SRGAP3: variants seen among roughly 807,000 people sequenced by gnomAD.
The protein encoded by SRGAP3 is SLIT-ROBO Rho GTPase activating protein 3.
Under a neutral mutation model 121.1 loss-of-function variants are expected in SRGAP3, and 39 were observed. The observed-to-expected ratio is 0.32, with a 90% CI of 0.25 to 0.42. The LOEUF is 0.42. Among genes scored for constraint, SRGAP3 ranks in the 10% least tolerant of loss-of-function variants. The probability of loss-of-function intolerance (pLI) is 1.00; values close to 1 mark genes in which losing one functional copy is unlikely to be tolerated. For synonymous variants in SRGAP3, 601 were observed against 570.0 expected (o/e 1.05, Z -0.77); for missense variants, 1,213 against 1,470.6 (o/e 0.82, Z 2.86).
At chr3:9,361,662 C>T (rs2030847476) in intron 1 of SRGAP3, among the ~76,000 whole-genome samples, 2 of 152,098 alleles carry the variant, frequency 1.3e-5, no homozygotes, top group African/African-American at 2.4e-5. Flanking sequence ...CCTCTATAAT[C>T]GCCATTAGAT....
rs200842695 is a variant in SRGAP3 at position 9,079,759 on chromosome 3, G to GGT, written c.486+265_486+266insAC. ...GACTTTGTGCCCTCTGTTCTTGCAG[G>GGT]TAACACGCCCCACAGCGGCAGGTCG... On this transcript the variant is annotated intron_variant, in intron 4 of 21. Coordinates refer to ENST00000383836, the MANE Select transcript of SRGAP3 (RefSeq NM_014850.4). Among the ~76,000 whole-genome samples the GGT allele has an allele frequency of 6.5e-3, 992 of 152,300 alleles. 6 individuals are homozygous for GGT. The highest frequency in any genetic ancestry group is 0.014 in the Middle Eastern group (4 of 294).
At chr3:9,174,708 C>G (rs1333092315) in intron 1 of SRGAP3, among the ~76,000 whole-genome samples, 1 of 152,234 alleles carries the variant, frequency 6.6e-6, no homozygotes, top group Non-Finnish European at 1.5e-5. Context: ...AAGTCGCACC[C>G]AGACGGGAGT....
In SRGAP3 at chr3:9,134,119, C is replaced by T. The variant is rs565389255; in HGVS notation, c.68-9202G>A. On this transcript the variant is annotated intron_variant, in intron 1 of 21. Coordinates refer to ENST00000383836, the MANE Select transcript of SRGAP3 (RefSeq NM_014850.4). ...TGCCCTTGGAGGCCTCTGCCCCTTG[C>T]CTGCACCCTTGGAGGCCTCTGCCCC... 1.4e-4 allele frequency among the ~76,000 whole-genome samples: 21 copies of T among 152,258 alleles called. No homozygotes were observed. The South Asian group carries it at 4.4e-3, about 32-fold the overall frequency.
chr3:9,064,913 C>T (rs1043685327), intron 4 of SRGAP3, among the ~76,000 whole-genome samples: 22 of 151,532 alleles, frequency 1.5e-4, no homozygotes, highest in African/African-American at 4.9e-4. Flanking sequence ...AAAGGGTAAC[C>T]GTAGCTCCAA....
intron 1 of SRGAP3, among the ~76,000 whole-genome samples, chr3:9,242,130 C>T (rs1196398602): frequency 6.7e-6 from 1 of 150,218 alleles, no homozygotes; most frequent in Non-Finnish European, 1.5e-5. Flanking sequence ...AGATTTCTCT[C>T]TCTCCATAAG....
chr3:9,114,897 A>T (rs1343457112), intron 2 of SRGAP3, among the ~76,000 whole-genome samples: 1 of 152,196 alleles, frequency 6.6e-6, no homozygotes, highest in African/African-American at 2.4e-5. Context: ...GCTCTACTGG[A>T]TGTCTGATAG....
chr3:9,222,928 A>G (rs887141297), intron 1 of SRGAP3, among the ~76,000 whole-genome samples: 1 of 152,234 alleles, frequency 6.6e-6, no homozygotes, highest in African/African-American at 2.4e-5. Flanking sequence ...CTGTGATAGC[A>G]CTTAACAGTC....
chr3:8,997,558 G>A (rs115624456), intron 18 of SRGAP3, among the ~76,000 whole-genome samples: 1 of 152,082 alleles, frequency 6.6e-6, no homozygotes, highest in East Asian at 1.9e-4. Flanking sequence ...GATCCCAATC[G>A]CAGAGACCTC....
At chr3:9,148,245 A>G (rs189083121) in intron 1 of SRGAP3, among the ~76,000 whole-genome samples, 13 of 121,032 alleles carry the variant, frequency 1.1e-4, no homozygotes, top group African/African-American at 4.7e-4. Flanking sequence ...TATTTCAGGG[A>G]CTGGAAGAAG....
At chr3:9,000,861 T>A (rs775870413) in intron 18 of SRGAP3, among the ~76,000 whole-genome samples, 1 of 152,012 alleles carries the variant, frequency 6.6e-6, no homozygotes, top group Non-Finnish European at 1.5e-5. Flanking sequence ...CCGGAAAGGA[T>A]CCGGGAAAGA....
At chr3:9,289,293 T>C (rs1369030191) in intron 3 of SRGAP3, among the ~76,000 whole-genome samples, 3 of 152,270 alleles carry the variant, frequency 2.0e-5, no homozygotes, top group African/African-American at 7.2e-5. Flanking sequence ...CTGATAATTA[T>C]ACCATCTGCA....
chr3:9,060,429 T>TC, intron 5 of SRGAP3, 70 bp from the exon 6 acceptor site: 1 of 705,140 alleles, frequency 1.4e-6, no homozygotes. Flanking sequence ...TTTCTATTCC[T>TC]TTTTTTTTTT....
chr3:9,247,540 T>A (rs1205986541), intron 1 of SRGAP3, among the ~76,000 whole-genome samples: 1 of 152,164 alleles, frequency 6.6e-6, no homozygotes, highest in Non-Finnish European at 1.5e-5. Context: ...CTGAAGCGTG[T>A]ATGGCAGCTG....
intron 14 of SRGAP3, among the ~76,000 whole-genome samples, chr3:9,018,215 C>G (rs1481481649): frequency 6.6e-6 from 1 of 152,174 alleles, no homozygotes; most frequent in African/African-American, 2.4e-5. Context: ...TAGTATTCTA[C>G]TATATATTAT....
At chr3:9,039,583 A>G (rs1005769078) in intron 10 of SRGAP3, among the ~76,000 whole-genome samples, 2 of 152,220 alleles carry the variant, frequency 1.3e-5, no homozygotes, top group Non-Finnish European at 2.9e-5. Flanking sequence ...ACCAGAATTC[A>G]GTTTGAAAAT....
intron 1 of SRGAP3, among the ~76,000 whole-genome samples, chr3:9,206,552 C>T (rs966761770): frequency 1.3e-5 from 2 of 152,190 alleles, no homozygotes; most frequent in African/African-American, 4.8e-5. Context: ...ATTTCTCTCC[C>T]TTGGCTGATG....
intron 1 of SRGAP3, among the ~76,000 whole-genome samples, chr3:9,125,914 T>C (rs1352852467): frequency 6.6e-6 from 1 of 152,184 alleles, no homozygotes; most frequent in Non-Finnish European, 1.5e-5. Context: ...CCAAATTTCA[T>C]TTCTCAGGAC....
rs1363350007 is a variant in SRGAP3, at chr3:8,994,469, C to T, written c.2282G>A (p.Arg761His). 1.1e-5 allele frequency: 17 copies of T among 1,614,056 alleles called. No homozygotes were observed. Among genetic ancestry groups the T allele is most frequent in the Admixed American group, 8.3e-5 (5 of 60,014 alleles). The change falls in exon 19 of 22, where the codon CGT becomes CAT. Residue 761 changes from arginine to histidine, a missense_variant. Arg to His is a conservative substitution (Grantham distance 29, BLOSUM62 0). This residue lies in a region of SRGAP3 where 793 missense variants were observed against 1,032.9 expected (regional missense o/e 0.77). Transcript: ENST00000383836. ...GGCCCCCTTCTTGAAGGATAGCTCA[C>T]GCGGGGACCGCCCCATGTAGTCAAA... The part of the protein sequence containing the change: ...AKFDYMGRSP[R>H]ELSFKKGASL...
chr3:9,073,669 G>T (rs554820314), intron 4 of SRGAP3, among the ~76,000 whole-genome samples: 1 of 152,146 alleles, frequency 6.6e-6, no homozygotes, highest in Admixed American at 6.5e-5. Flanking sequence ...GAAATGGATC[G>T]GTACATGTAA....
Sources: allele counts gnomAD v4.1 joint callset (sites outside exome capture counted in the v4.1 genomes callset), GRCh38; gene constraint gnomAD v4.1.1; regional missense constraint gnomAD v4.1.1; transcripts MANE v1.5; gene names NCBI Gene and HGNC (gene_info 2026-07-23, HGNC 2026-07-21).